EPM2A: variants seen among roughly 807,000 people sequenced by gnomAD.
The protein encoded by EPM2A is EPM2A glucan phosphatase, laforin, also known as laforin.
EPM2A carries 21 observed loss-of-function variants against 26.5 expected under a neutral mutation model. The observed-to-expected ratio is 0.79, with a 90% CI of 0.56 to 1.14. EPM2A has a LOEUF of 1.14. Ranked by LOEUF, EPM2A falls within the 50% of genes most tolerant of loss-of-function variation. The probability of loss-of-function intolerance (pLI) is 0.00; values close to 1 mark genes in which losing one functional copy is unlikely to be tolerated. For missense variants in EPM2A, 458 were observed against 440.8 expected (o/e 1.04, Z -0.35); for synonymous variants, 217 against 177.6 (o/e 1.22, Z -1.76).
At chr6:145,568,587 T>G (rs567562436) in intron 2 of EPM2A, among the ~76,000 whole-genome samples, 1 of 152,128 alleles carries the variant, frequency 6.6e-6, no homozygotes, top group Non-Finnish European at 1.5e-5. Flanking sequence ...CCTCCCAAAG[T>G]GCTAGGATTA....
Position 145,424,375 on chromosome 6 carries a change from T to A in EPM2A, c.556-40278A>T, listed in dbSNP as rs375502292. On this transcript the variant is annotated intron_variant, in intron 4 of 4. Coordinates refer to the EPM2A transcript ENST00000638717. ...AGAAAGTAATAGCATTAATTGGAAA[T>A]TTTAAAATTTATTTTGCCCTAATAT... 1.4e-3 allele frequency among the ~76,000 whole-genome samples: 206 copies of A among 152,318 alleles called. 1 individual carries two copies. Among genetic ancestry groups the A allele is most frequent in the African/African-American group, 4.6e-3 (190 of 41,584 alleles).
chr6:145,720,514 T>C (rs1269277273), intron 1 of EPM2A, among the ~76,000 whole-genome samples: 1 of 152,198 alleles, frequency 6.6e-6, no homozygotes. Context: ...AAATTAAGGA[T>C]AGCTCTAAAT....
chr6:145,450,723 C>T (rs75878673), intron 4 of EPM2A, among the ~76,000 whole-genome samples: 174 of 152,270 alleles, frequency 1.1e-3, no homozygotes, highest in African/African-American at 3.9e-3. Context: ...GCATCATCTC[C>T]CTACCCTGGG....
At chr6:145,452,998 G>C (rs528929484) in intron 4 of EPM2A, among the ~76,000 whole-genome samples, 1 of 152,258 alleles carries the variant, frequency 6.6e-6, no homozygotes, top group Admixed American at 6.5e-5. Flanking sequence ...TAGGTAATGG[G>C]TGATCAGGAC....
At chr6:145,455,544 G>A (rs1008530438) in intron 4 of EPM2A, among the ~76,000 whole-genome samples, 1 of 152,114 alleles carries the variant, frequency 6.6e-6, no homozygotes, top group Non-Finnish European at 1.5e-5. Context: ...GTTTAGTAGA[G>A]ACAGGGTTTC....
At chr6:145,624,148 G>A (rs552993250), downstream of EPM2A, among the ~76,000 whole-genome samples, 20 of 152,024 alleles carry the variant, frequency 1.3e-4, no homozygotes, top group Admixed American at 9.8e-4. Context: ...ACTCAGTGAC[G>A]GCACACCTAT....
chr6:145,625,443 A>G lies in EPM2A; in HGVS notation c.*1973T>C. ...AACTGATTTTGTCTATCAGAGCAAA[A>G]GGAACAAAGGTAAAAATCCACCTGA... On this transcript the variant is annotated 3_prime_UTR_variant, in exon 4 of 4. Transcript: ENST00000367519. The G allele has an allele frequency of 4.2e-6, 2 of 473,150 alleles. No individual in the cohort carries two copies. The highest frequency in any genetic ancestry group is 1.9e-5 in the African/African-American group (1 of 51,816). The allele number at this position is 473,150 out of a possible 1,614,324, so 29.3% of individuals were successfully genotyped here.
chr6:145,395,640 C>T (rs1279203281), intron 4 of EPM2A, among the ~76,000 whole-genome samples: 1 of 152,132 alleles, frequency 6.6e-6, no homozygotes, highest in Non-Finnish European at 1.5e-5. Flanking sequence ...CTTTTCTCCT[C>T]CTCTCCTAAC....
At chr6:145,720,486 C>T (rs1013001237) in intron 1 of EPM2A, among the ~76,000 whole-genome samples, 1 of 151,924 alleles carries the variant, frequency 6.6e-6, no homozygotes, top group African/African-American at 2.4e-5. Flanking sequence ...TTATTTTTAC[C>T]TCAGAAGTCC....
In EPM2A at chr6:145,680,917, T is replaced by G. The variant is rs1267288167; in HGVS notation, c.476+5205A>C. On this transcript the variant is annotated intron_variant, in intron 2 of 3. Transcript: ENST00000367519. ...TTTGGGTATATACCCAGTAATGGGA[T>G]GGCTGGGTCAAATGGTATTTCTAGT... 7.3e-5 allele frequency among the ~76,000 whole-genome samples: 11 copies of G among 151,588 alleles called. No individual in the cohort carries two copies. In the South Asian group the frequency reaches 2.1e-3, roughly 29 times the overall value.
intron 2 of EPM2A, among the ~76,000 whole-genome samples, chr6:145,601,676 T>G (rs77320415): frequency 0.032 from 4,832 of 152,306 alleles, 88 homozygotes; most frequent in African/African-American, 0.056. Context: ...TTGTACATCA[T>G]GGAATATTAA....
At position 145,620,035 on chromosome 6, in the gene EPM2A, A is replaced by C. The variant is rs899114793; in HGVS notation, c.340+15210T>G. ...TGCTGAGCAGTAATTAGCATCGTTTAAACACCAGTCTATAAAGAATGAGGG... is the reference window on the plus strand; with the variant it reads ...TGCTGAGCAGTAATTAGCATCGTTTCAACACCAGTCTATAAAGAATGAGGG... On this transcript the variant is annotated intron_variant, in intron 2 of 3. Coordinates refer to the EPM2A transcript ENST00000450221. 2.6e-5 allele frequency among the ~76,000 whole-genome samples: 4 copies of C among 152,366 alleles called. No individual in the cohort carries two copies. The East Asian group carries it at 5.8e-4, about 22-fold the overall frequency.
At chr6:145,718,708 C>T (rs554442341) in intron 1 of EPM2A, among the ~76,000 whole-genome samples, 10 of 152,190 alleles carry the variant, frequency 6.6e-5, no homozygotes, top group East Asian at 3.9e-4. Context: ...AGAAAATTTT[C>T]GCAACCTACT....
At chr6:145,734,303 A>G (rs1039619332) in intron 1 of EPM2A, among the ~76,000 whole-genome samples, 1 of 152,202 alleles carries the variant, frequency 6.6e-6, no homozygotes, top group Non-Finnish European at 1.5e-5. Context: ...TGTCCCTAAC[A>G]TATTGTTAGG....
downstream of EPM2A, among the ~76,000 whole-genome samples, chr6:145,499,444 T>G (rs1779860828): frequency 6.6e-6 from 1 of 152,208 alleles, no homozygotes; most frequent in Non-Finnish European, 1.5e-5. Flanking sequence ...TTCTTATACT[T>G]TCAAATCATA....
chr6:145,403,854 T>C (rs980591130), intron 4 of EPM2A, among the ~76,000 whole-genome samples: 1 of 152,196 alleles, frequency 6.6e-6, no homozygotes, highest in Non-Finnish European at 1.5e-5. Context: ...TATTCCCTAG[T>C]GGTTGTACTA....
At position 145,730,025 on chromosome 6, in the gene EPM2A, T is replaced by C. The variant is rs1392442945; in HGVS notation, c.301+5173A>G. The stretch of plus-strand genomic sequence containing the variant: ...AAAGTGTGTAGCACTTCCCCATCTT[T>C]CTCTCTTCCTCCTGCTCCAGCCATG... On this transcript the variant is annotated intron_variant, in intron 1 of 3. Transcript: ENST00000367519. Among the ~76,000 whole-genome samples the C allele has an allele frequency of 3.3e-5, 5 of 152,038 alleles. No homozygotes were observed. In the East Asian group the frequency reaches 9.6e-4, roughly 29 times the overall value.
chr6:145,680,621 T>A (rs1348114124), intron 2 of EPM2A, among the ~76,000 whole-genome samples: 1 of 148,854 alleles, frequency 6.7e-6, no homozygotes, highest in Non-Finnish European at 1.5e-5. Flanking sequence ...AATTCCCACC[T>A]ATGAGTGAGA....
intron 4 of EPM2A, among the ~76,000 whole-genome samples, chr6:145,494,018 C>A (rs1779788056): frequency 6.6e-6 from 1 of 152,192 alleles, no homozygotes; most frequent in Non-Finnish European, 1.5e-5. Context: ...AGGGAGCAGT[C>A]CCTCTTTTTC....
Sources: allele counts gnomAD v4.1 joint callset (sites outside exome capture counted in the v4.1 genomes callset), GRCh38; gene constraint gnomAD v4.1.1; transcripts MANE v1.5; gene names NCBI Gene and HGNC (gene_info 2026-07-23, HGNC 2026-07-21).